CDC20B: variants seen among roughly 807,000 people sequenced by gnomAD.
CDC20B encodes cell division cycle protein 20 homolog B.
Under a neutral mutation model 64.1 loss-of-function variants are expected in CDC20B, and 58 were observed. The ratio of observed to expected loss-of-function variants is 0.90; its 90% confidence interval spans 0.73 to 1.13. The LOEUF is 1.13. CDC20B is among the 50% of genes most tolerant of loss of function. CDC20B has a pLI of 0.00. For missense variants in CDC20B, 597 were observed against 633.0 expected (o/e 0.94, Z 0.61); for synonymous variants, 243 against 230.6 (o/e 1.05, Z -0.49).
At chr5:55,170,598 T>C in intron 2 of CDC20B, 1 of 534,670 alleles carries the variant, frequency 1.9e-6, no homozygotes, top group Non-Finnish European at 3.8e-6. Context: ...CAGCTAACAA[T>C]ACACTGCCAG....
rs1006867174 is a variant in CDC20B, at chr5:55,114,380, T to C, written c.1460-62A>G. On this transcript the variant is annotated intron_variant, in intron 11 of 11. Coordinates refer to ENST00000381375, the MANE Select transcript of CDC20B (RefSeq NM_001170402.1). The surrounding 1 kb of genome is among the most constrained non-coding windows in gnomAD (Gnocchi z 4.1). ...CGTTACATGGGCTGCTGCTCAGGACTGTAGGCAATGTAAGTTGGGGCCATG... is the reference window on the plus strand; with the variant it reads ...CGTTACATGGGCTGCTGCTCAGGACCGTAGGCAATGTAAGTTGGGGCCATG... 1.9e-6 allele frequency: 3 copies of C among 1,561,958 alleles called. No homozygotes were observed. In the African/African-American group the frequency reaches 4.1e-5, roughly 21 times the overall value.
chr5:55,142,653 A>G (rs1743360433), intron 4 of CDC20B, among the ~76,000 whole-genome samples: 1 of 152,186 alleles, frequency 6.6e-6, no homozygotes, highest in Non-Finnish European at 1.5e-5. Context: ...TTATCTCAGT[A>G]GGACTCCCCG....
chr5:55,137,114 T>C (rs1248699636), intron 5 of CDC20B: 1 of 152,986 alleles, frequency 6.5e-6, no homozygotes, highest in Non-Finnish European at 1.4e-5. Context: ...GAGACAGAGG[T>C]TGCAGTGAAC....
intron 9 of CDC20B, among the ~76,000 whole-genome samples, chr5:55,123,202 C>T (rs182275938): frequency 8.1e-4 from 124 of 152,170 alleles, no homozygotes; most frequent in Non-Finnish European, 6.5e-4. Context: ...AATAAAATAT[C>T]TACAATATAT....
chr5:55,143,512 C>T lies in CDC20B; in HGVS notation c.486+1G>A. 6.3e-7 allele frequency: 1 copy of T among 1,590,296 alleles called. No individual in the cohort carries two copies. Among genetic ancestry groups the T allele is most frequent in the Non-Finnish European group, 8.5e-7 (1 of 1,170,026 alleles). On this transcript the variant is annotated splice_donor_variant, in intron 4 of 11. Transcript: ENST00000381375. LOFTEE classifies it high-confidence loss of function. ...TCTTCAGTTTTTTTCTCTTTACCTA[C>T]CTGCCCTTTTGAGGCAACACTTTCT...
chr5:55,121,119 T>C (rs1742743692), intron 9 of CDC20B, among the ~76,000 whole-genome samples: 1 of 152,200 alleles, frequency 6.6e-6, no homozygotes, highest in Non-Finnish European at 1.5e-5. Context: ...TATCACACAT[T>C]TATATTGATA....
intron 2 of CDC20B, among the ~76,000 whole-genome samples, chr5:55,154,023 C>T (rs1040202319): frequency 3.3e-5 from 5 of 152,174 alleles, no homozygotes; most frequent in Admixed American, 6.5e-5. Flanking sequence ...TGTCTCTGCA[C>T]CGCTCAGAAC....
At chr5:55,171,426 C>T (rs1289776560) in intron 2 of CDC20B, among the ~76,000 whole-genome samples, 1 of 152,144 alleles carries the variant, frequency 6.6e-6, no homozygotes, top group Non-Finnish European at 1.5e-5. Context: ...CGTGATAATA[C>T]ATAAGCTGTG....
chr5:55,171,991 G>A (rs1220882224), intron 2 of CDC20B, among the ~76,000 whole-genome samples: 1 of 152,216 alleles, frequency 6.6e-6, no homozygotes, highest in East Asian at 1.9e-4. Flanking sequence ...AAAGGAAGAT[G>A]AACTATTGAG....
chr5:55,160,697 G>C (rs1231204243), intron 2 of CDC20B: 3 of 447,450 alleles, frequency 6.7e-6, no homozygotes, highest in South Asian at 4.0e-5. Context: ...TAAAAGTATT[G>C]GTTCTATAAT....
At chr5:55,121,704 T>A (rs1366538330) in intron 9 of CDC20B, among the ~76,000 whole-genome samples, 1 of 152,206 alleles carries the variant, frequency 6.6e-6, no homozygotes, top group Non-Finnish European at 1.5e-5. Flanking sequence ...TATACTAATT[T>A]CACCCTGGCT....
chr5:55,135,522 C>T (rs1743138370), intron 5 of CDC20B, among the ~76,000 whole-genome samples: 1 of 152,088 alleles, frequency 6.6e-6, no homozygotes, highest in Non-Finnish European at 1.5e-5. Context: ...TTCCCAAACC[C>T]CCAAAAGAAC....
intron 2 of CDC20B, among the ~76,000 whole-genome samples, chr5:55,150,444 G>T (rs963024340): frequency 6.6e-6 from 1 of 152,348 alleles, no homozygotes. Flanking sequence ...GCCCCCAGGG[G>T]GCGAGGCCGG....
chr5:55,118,328 A>G (rs1275011813), intron 11 of CDC20B, among the ~76,000 whole-genome samples: 1 of 152,224 alleles, frequency 6.6e-6, no homozygotes, highest in Non-Finnish European at 1.5e-5. Context: ...AGAGCTCAAA[A>G]GTAACCTCAT....
intron 2 of CDC20B, 53 bp from the exon 3 acceptor site, chr5:55,146,909 T>C: frequency 7.6e-7 from 1 of 1,311,920 alleles, no homozygotes; most frequent in South Asian, 1.2e-5. Flanking sequence ...GATGCAAAAG[T>C]AAAAATTCCC....
chr5:55,170,453 TA>T, intron 2 of CDC20B: 1 of 494,208 alleles, frequency 2.0e-6, no homozygotes, highest in South Asian at 1.5e-5. Context: ...TATATTATGG[TA>T]AATAGTGGCT....
chr5:55,119,655 G>A (rs1742709132), intron 11 of CDC20B, 146 bp downstream of exon 11: 2 of 601,796 alleles, frequency 3.3e-6, no homozygotes, highest in Non-Finnish European at 6.0e-6. Context: ...CGCTCTCTGA[G>A]GTAGGGTGGA....
chr5:55,137,643 GA>G (rs1283743872), intron 5 of CDC20B: 4 of 456,616 alleles, frequency 8.8e-6, no homozygotes, highest in Non-Finnish European at 1.8e-5. Flanking sequence ...TGATCTATGG[GA>G]AGGGGAGAGA....
chr5:55,155,207 T>G (rs1743776166), intron 2 of CDC20B, among the ~76,000 whole-genome samples: 1 of 152,106 alleles, frequency 6.6e-6, no homozygotes, highest in Non-Finnish European at 1.5e-5. Flanking sequence ...CCAGGAGGAA[T>G]TCAGAGCACC....
Sources: gnomAD v4.1 joint callset for allele counts (sites outside exome capture counted in the v4.1 genomes callset) on GRCh38, gnomAD v4.1.1 for gene constraint, Gnocchi (gnomAD v3.1) non-coding constraint, MANE v1.5 for transcripts, NCBI Gene and HGNC (gene_info 2026-07-23, HGNC 2026-07-21) for gene names.